The following HTR2A variants were observed in gnomAD, a reference collection of about 807,000 sequenced individuals.
The protein encoded by HTR2A is 5-hydroxytryptamine receptor 2A.
HTR2A carries 14 observed loss-of-function variants against 31.0 expected under a neutral mutation model. The observed-to-expected ratio is 0.45, with a 90% CI of 0.30 to 0.71. The LOEUF is 0.71. Among genes scored for constraint, HTR2A ranks in the 30% least tolerant of loss-of-function variants. The probability of loss-of-function intolerance (pLI) is 0.09; values close to 1 mark genes in which losing one functional copy is unlikely to be tolerated. For missense variants in HTR2A, 442 were observed against 573.3 expected (o/e 0.77, Z 2.34); for synonymous variants, 209 against 225.2 (o/e 0.93, Z 0.64).
intron 3 of HTR2A, among the ~76,000 whole-genome samples, chr13:46,855,069 C>T (rs530648788): frequency 6.6e-6 from 1 of 152,124 alleles, no homozygotes; most frequent in Non-Finnish European, 1.5e-5. Context: ...TAATGTCCCC[C>T]CAGAGCTAAG....
At chr13:46,867,658 G>C (rs1950828361) in intron 3 of HTR2A, among the ~76,000 whole-genome samples, 1 of 152,142 alleles carries the variant, frequency 6.6e-6, no homozygotes, top group Admixed American at 6.5e-5. Context: ...ATGAAGATTT[G>C]GGTTTGTTAA....
chr13:46,894,720 A>G (rs573418615), intron 2 of HTR2A, among the ~76,000 whole-genome samples: 1 of 152,284 alleles, frequency 6.6e-6, no homozygotes, highest in East Asian at 1.9e-4. Flanking sequence ...CATAATTTGG[A>G]AAGAATATCA....
chr13:46,892,350 T>C, intron 3 of HTR2A, 40 bp downstream of exon 3: 3 of 1,570,476 alleles, frequency 1.9e-6, no homozygotes, highest in Non-Finnish European at 2.6e-6. Flanking sequence ...AAGCACGAAC[T>C]GTCATTTCAA....
At chr13:46,878,639 A>G (rs761968085) in intron 3 of HTR2A, among the ~76,000 whole-genome samples, 10 of 152,196 alleles carry the variant, frequency 6.6e-5, no homozygotes. Flanking sequence ...GGAGAAAAGG[A>G]GTCTGCAAAA....
At position 46,834,804 on chromosome 13, in the gene HTR2A, G is replaced by T; in HGVS notation, c.*33C>A. ...CCAGATAGGTGAAAACTTGCTCAGT[G>T]TGCCTTCCACAGTTGCCACGGCAAC... On this transcript the variant is annotated 3_prime_UTR_variant, in exon 4 of 4. Transcript: ENST00000542664. The T allele has an allele frequency of 6.6e-7, 1 of 1,518,706 alleles. No individual in the cohort carries two copies. 94.1% of individuals were successfully genotyped at this position (1,518,706 alleles called of 1,614,324 possible). A position where few individuals can be genotyped will look rare whatever the true frequency, so the allele number is the denominator to read the frequency against.
Position 46,882,304 on chromosome 13 carries a change from T to A in HTR2A, c.613+10086A>T, listed in dbSNP as rs533593873. ...TTAAAAGTATGTTGTGGTGAACGAC[T>A]AGACAGATCAGTAGAAACAGTCAAT... On this transcript the variant is annotated intron_variant, in intron 3 of 3. Transcript: ENST00000542664. 4.2e-3 allele frequency among the ~76,000 whole-genome samples: 641 copies of A among 152,018 alleles called. 5 individuals carry two copies. The highest frequency in any genetic ancestry group is 0.015 in the African/African-American group (625 of 41,494).
intron 3 of HTR2A, 36 bp from the exon 4 acceptor site, chr13:46,835,675 G>T (rs1359014519): frequency 1.3e-6 from 2 of 1,497,786 alleles, no homozygotes; most frequent in South Asian, 2.5e-5. Flanking sequence ...TGATTATTAA[G>T]GAATTAAGTA....
At chr13:46,892,645 G>A (rs1951063198) in intron 2 of HTR2A, 55 bp from the exon 3 acceptor site, 1 of 1,469,876 alleles carries the variant, frequency 6.8e-7, no homozygotes, top group African/African-American at 1.4e-5. Flanking sequence ...TGGAGCACAT[G>A]TATCCCTATC....
At chr13:46,867,725 C>T (rs939547098) in intron 3 of HTR2A, among the ~76,000 whole-genome samples, 3 of 152,332 alleles carry the variant, frequency 2.0e-5, no homozygotes, top group African/African-American at 7.2e-5. Flanking sequence ...ATATGGCCCT[C>T]TTTACATCAC....
At chr13:46,869,434 T>C (rs1406052885) in intron 3 of HTR2A, among the ~76,000 whole-genome samples, 3 of 152,098 alleles carry the variant, frequency 2.0e-5, no homozygotes, top group Non-Finnish European at 2.9e-5. Flanking sequence ...GAAAATATTG[T>C]TGAGGACTTG....
intron 3 of HTR2A, among the ~76,000 whole-genome samples, chr13:46,836,767 T>C (rs983331072): frequency 6.6e-6 from 1 of 152,176 alleles, no homozygotes; most frequent in African/African-American, 2.4e-5. Context: ...TCTGAAAATA[T>C]TTATTACGTA....
chr13:46,835,216 G>A lies in HTR2A; in HGVS notation c.1037C>T (p.Ala346Val). 1 of 1,614,106 alleles carries A rather than the reference G, an allele frequency of 6.2e-7. No homozygotes were observed. Among genetic ancestry groups the A allele is most frequent in the Middle Eastern group, 1.7e-4 (1 of 6,058 alleles). ...WCPFFITNIM[A>V]VICKESCNED... ...ATTGCAGGACTCTTTGCAGATGACGGCCATGATGTTTGTGATGAAGAAAGG... is the reference window on the plus strand; with the variant it reads ...ATTGCAGGACTCTTTGCAGATGACGACCATGATGTTTGTGATGAAGAAAGG... The change falls in exon 4 of 4, where the codon GCC (alanine) becomes GTC (valine). Residue 346 changes from alanine (A) to valine (V), a missense_variant. By Grantham distance (64) the Ala-to-Val change is moderately conservative (BLOSUM62 0). Around this residue, in one of 5 missense-constraint regions of HTR2A, gnomAD observed 174 missense variants for 195.1 expected, o/e 0.89. Coordinates refer to ENST00000542664, the MANE Select transcript of HTR2A (RefSeq NM_000621.5).
chr13:46,877,160 T>C (rs990112795), intron 3 of HTR2A, among the ~76,000 whole-genome samples: 7 of 152,154 alleles, frequency 4.6e-5, no homozygotes, highest in Non-Finnish European at 2.9e-5. Context: ...CTTTCTTATA[T>C]ATATTTTCCA....
At chr13:46,864,974 C>CT (rs1950808327) in intron 3 of HTR2A, among the ~76,000 whole-genome samples, 1 of 151,902 alleles carries the variant, frequency 6.6e-6, no homozygotes, top group Admixed American at 6.6e-5. Flanking sequence ...ATGATTTTGT[C>CT]TTTAAATTTA....
At position 46,831,684 on chromosome 13, in the gene HTR2A, A is replaced by C. The variant is rs1030415573; in HGVS notation, c.*3153T>G. The C allele has an allele frequency of 6.6e-6, 1 of 152,240 alleles. No homozygotes were observed. Among genetic ancestry groups the C allele is most frequent in the Non-Finnish European group, 1.5e-5 (1 of 68,048 alleles). The allele number at this position is 152,240 out of a possible 1,614,324, so 9.4% of individuals were successfully genotyped here. A position where few individuals can be genotyped will look rare whatever the true frequency, so the allele number is the denominator to read the frequency against. ...GCACAGAATAATTTAGCACTTTATAAATATGTCTCATTGATGCACAAATGG... is the reference window on the plus strand; with the variant it reads ...GCACAGAATAATTTAGCACTTTATACATATGTCTCATTGATGCACAAATGG... On this transcript the variant is annotated 3_prime_UTR_variant, in exon 4 of 4. Coordinates refer to ENST00000542664, the MANE Select transcript of HTR2A (RefSeq NM_000621.5).
At position 46,896,762 on chromosome 13, in the gene HTR2A, CTCT is replaced by C. The variant is rs1951108454; in HGVS notation, c.-420_-418del. On this transcript the variant is annotated 5_prime_UTR_variant, in exon 1 of 4. Transcript: ENST00000542664. The stretch of plus-strand genomic sequence containing the variant: ...AGTAATTAAACTGGTGTAGAGTCCC[CTCT>C]TCTTGATCTTCCACCAGCATAATAT... 2 of 1,535,960 alleles carry C rather than the reference CTCT, an allele frequency of 1.3e-6. No homozygotes were observed. The highest frequency in any genetic ancestry group is 1.4e-5 in the African/African-American group (1 of 73,120).
chr13:46,879,651 G>T (rs1325930516), intron 3 of HTR2A, among the ~76,000 whole-genome samples: 1 of 152,190 alleles, frequency 6.6e-6, no homozygotes, highest in African/African-American at 2.4e-5. Context: ...AATGGGACAT[G>T]ATTATCTGCC....
intron 3 of HTR2A, among the ~76,000 whole-genome samples, chr13:46,890,630 G>C (rs1951045627): frequency 6.6e-6 from 1 of 152,186 alleles, no homozygotes; most frequent in Non-Finnish European, 1.5e-5. Flanking sequence ...TACTACTGGT[G>C]TTATCATGAA....
At chr13:46,874,304 G>A (rs923270068) in intron 3 of HTR2A, among the ~76,000 whole-genome samples, 27 of 152,162 alleles carry the variant, frequency 1.8e-4, no homozygotes, top group African/African-American at 4.8e-4. Context: ...GTAAGGTCCC[G>A]AGTGTAAAAA....
Sources: allele counts gnomAD v4.1 joint callset (sites outside exome capture counted in the v4.1 genomes callset), GRCh38; gene constraint gnomAD v4.1.1; regional missense constraint gnomAD v4.1.1; transcripts MANE v1.5; gene names NCBI Gene and HGNC (gene_info 2026-07-23, HGNC 2026-07-21).